Variants in TNKS observed in about 807,000 individuals in gnomAD.
TNKS encodes the protein poly [ADP-ribose] polymerase tankyrase-1.
Under a neutral mutation model 135.8 loss-of-function variants are expected in TNKS, and 72 were observed. The ratio of observed to expected loss-of-function variants is 0.53; its 90% CI spans 0.44 to 0.64. The LOEUF is 0.64. TNKS is among the 30% of genes least tolerant of loss of function. The pLI, the probability that TNKS is intolerant of heterozygous loss-of-function variation, is 0.00. For synonymous variants in TNKS, 849 were observed against 649.3 expected, an observed-to-expected ratio of 1.31 and a Z score of -4.68; for missense variants, 1,769 against 1,674.0, an observed-to-expected ratio of 1.06 and a Z score of -0.99.
chr8:9,588,579 A>C (rs887317541), intron 2 of TNKS, among the ~76,000 whole-genome samples: 4 of 152,116 alleles, frequency 2.6e-5, no homozygotes, highest in African/African-American at 7.2e-5. Context: ...CCCGGCCCCA[A>C]ATTGTTTCTT....
intron 1 of TNKS, among the ~76,000 whole-genome samples, chr8:9,577,104 A>G (rs879617812): frequency 3.4e-5 from 5 of 147,642 alleles, no homozygotes; most frequent in South Asian, 4.3e-4. Context: ...AAAAATGTAA[A>G]TAACAATTCA....
intron 5 of TNKS, among the ~76,000 whole-genome samples, chr8:9,685,789 T>G (rs1802970275): frequency 6.6e-6 from 1 of 152,212 alleles, no homozygotes; most frequent in African/African-American, 2.4e-5. Context: ...TGATTAAAAA[T>G]TAATATCTGG....
At chr8:9,701,529 A>T (rs1002348754) in intron 5 of TNKS, among the ~76,000 whole-genome samples, 4 of 152,224 alleles carry the variant, frequency 2.6e-5, no homozygotes, top group Admixed American at 2.0e-4. Flanking sequence ...GAAAAGTCCA[A>T]TTCAGTCATG....
At chr8:9,774,957 G>A (rs572398548) in intron 26 of TNKS, among the ~76,000 whole-genome samples, 36 of 152,280 alleles carry the variant, frequency 2.4e-4, no homozygotes, top group African/African-American at 8.2e-4. Context: ...GCCAGCCTGC[G>A]TTCTTTTTAC....
rs1310202052 is a variant in TNKS, at chr8:9,605,856, A to G, written c.899-9726A>G. Among the ~76,000 whole-genome samples the G allele has an allele frequency of 2.0e-5, 3 of 152,042 alleles. No homozygotes were observed. In the East Asian group the frequency reaches 5.8e-4, roughly 29 times the overall value. ...AATCTAGAAGAGTTTTTTGTCTTAC[A>G]TATGTGTTGCAAATATTTTCTTCTA... On this transcript the variant is annotated intron_variant, in intron 2 of 26. Transcript: ENST00000310430.
intron 8 of TNKS, 55 bp downstream of exon 8, chr8:9,707,052 G>T: frequency 1.4e-6 from 2 of 1,434,214 alleles, no homozygotes; most frequent in Non-Finnish European, 1.9e-6. Context: ...TTTAATTTCT[G>T]TTGAGTTTTA....
At position 9,555,959 on chromosome 8, in the gene TNKS, C is replaced by G. The variant is rs1815263267; in HGVS notation, c.20C>G (p.Ser7Cys). Residue 7 changes from serine (S) to cysteine (C), a missense_variant, in exon 1 of 27, where the codon TCT becomes TGT. Coordinates refer to ENST00000310430, the MANE Select transcript of TNKS (RefSeq NM_003747.3). The part of the protein sequence containing the change: MAASRR[S>C]QHHHHHHQQQ... ...CCGAAGATGGCGGCGTCGCGTCGCT[C>G]TCAGCATCATCACCACCATCATCAA... The G allele has an allele frequency of 1.2e-6, 2 of 1,612,978 alleles. No homozygotes were observed. Among genetic ancestry groups the G allele is most frequent in the East Asian group, 2.2e-5 (1 of 44,870 alleles).
chr8:9,655,526 T>C (rs1164491886), intron 3 of TNKS, among the ~76,000 whole-genome samples: 7 of 152,064 alleles, frequency 4.6e-5, no homozygotes, highest in African/African-American at 1.7e-4. Context: ...CACGGCTGGG[T>C]ACTCCTCTGA....
At chr8:9,686,734 T>C (rs998866712) in intron 5 of TNKS, among the ~76,000 whole-genome samples, 1 of 152,202 alleles carries the variant, frequency 6.6e-6, no homozygotes, top group Non-Finnish European at 1.5e-5. Context: ...TTTATGTGCA[T>C]CTTTTGGGGT....
chr8:9,715,245 C>G (rs1386401539), intron 11 of TNKS, among the ~76,000 whole-genome samples: 1 of 151,880 alleles, frequency 6.6e-6, no homozygotes, highest in Non-Finnish European at 1.5e-5. Context: ...TTAGGGTCTT[C>G]GCAATAAATG....
At chr8:9,700,652 A>G (rs956829310) in intron 5 of TNKS, among the ~76,000 whole-genome samples, 7 of 151,108 alleles carry the variant, frequency 4.6e-5, no homozygotes, top group African/African-American at 9.7e-5. Context: ...GGCATTTCCA[A>G]CCTGGAAACT....
intron 1 of TNKS, chr8:9,566,135 C>T (rs998860590): frequency 3.9e-5 from 6 of 152,062 alleles, no homozygotes; most frequent in Admixed American, 6.5e-5. Flanking sequence ...TTGGGTTATT[C>T]TCATGTTGAC....
intron 2 of TNKS, among the ~76,000 whole-genome samples, chr8:9,594,425 G>A (rs547579485): frequency 2.4e-4 from 36 of 152,254 alleles, no homozygotes; most frequent in African/African-American, 7.2e-4. Context: ...TGCACTAGCC[G>A]TGTTTTAAAT....
intron 3 of TNKS, among the ~76,000 whole-genome samples, chr8:9,622,419 A>T (rs1257636776): frequency 6.6e-6 from 1 of 152,210 alleles, no homozygotes; most frequent in East Asian, 1.9e-4. Flanking sequence ...AAGGGCGCTG[A>T]ATCCTCACAA....
rs760214357 is a variant in TNKS at position 9,726,705 on chromosome 8, C to G, written c.1986C>G (p.Asp662Glu). 6.2e-7 allele frequency: 1 copy of G among 1,613,136 alleles called. No individual in the cohort carries two copies. Among genetic ancestry groups the G allele is most frequent in the Non-Finnish European group, 8.5e-7 (1 of 1,179,614 alleles). ...YRLLEASKAG[D>E]LETVKQLCSS... ...TCTTAGAGGCATCTAAAGCTGGAGACTTGGAAACTGTGAAGGTAAGTCAGT... is the reference window on the plus strand; with the variant it reads ...TCTTAGAGGCATCTAAAGCTGGAGAGTTGGAAACTGTGAAGGTAAGTCAGT... The change falls in exon 13 of 27, where the codon GAC becomes GAG. Residue 662 changes from aspartate (D) to glutamate (E), a missense_variant. Transcript: ENST00000310430.
intron 1 of TNKS, among the ~76,000 whole-genome samples, chr8:9,574,452 A>C (rs139906405): frequency 9.8e-5 from 15 of 152,300 alleles, no homozygotes; most frequent in Admixed American, 6.5e-5. Context: ...GTTCTTGCCC[A>C]GACTACTGCA....
chr8:9,677,486 G>A (rs529031063), intron 3 of TNKS, among the ~76,000 whole-genome samples: 2 of 152,140 alleles, frequency 1.3e-5, no homozygotes, highest in East Asian at 3.9e-4. Flanking sequence ...GTTTCACTAC[G>A]ACTTAAATTT....
At chr8:9,559,078 G>C (rs1386317557) in intron 1 of TNKS, among the ~76,000 whole-genome samples, 1 of 152,208 alleles carries the variant, frequency 6.6e-6, no homozygotes, top group African/African-American at 2.4e-5. Context: ...AGTGTGCTTA[G>C]ATGATCGGGT....
intron 1 of TNKS, among the ~76,000 whole-genome samples, chr8:9,566,713 A>T (rs921101458): frequency 7.0e-6 from 1 of 143,680 alleles, no homozygotes; most frequent in Admixed American, 7.4e-5. Flanking sequence ...GGTTCACGCC[A>T]TTCTCCTGCC....
Sources: gnomAD v4.1 joint callset for allele counts (sites outside exome capture counted in the v4.1 genomes callset) on GRCh38, gnomAD v4.1.1 for gene constraint, MANE v1.5 for transcripts, NCBI Gene and HGNC (gene_info 2026-07-23, HGNC 2026-07-21) for gene names.